Variants in RNGTT observed in about 807,000 individuals in gnomAD.
RNGTT encodes the protein mRNA-capping enzyme.
In RNGTT, 33 loss-of-function variants were observed where a neutral mutation model predicts 79.3. The ratio of observed to expected loss-of-function variants is 0.42; its 90% CI spans 0.32 to 0.56. The LOEUF (loss-of-function observed/expected upper bound fraction) is 0.56, where lower values mean the gene tolerates loss of function less well. Ranked by LOEUF, RNGTT falls within the 20% of genes least tolerant of loss-of-function variation. The pLI, the probability that RNGTT is intolerant of heterozygous loss-of-function variation, is 0.17. For missense variants in RNGTT, 497 were observed against 739.1 expected, an observed-to-expected ratio of 0.67 and a Z score of 3.80; for synonymous variants, 222 against 235.9, an observed-to-expected ratio of 0.94 and a Z score of 0.54.
At chr6:88,713,589 AAGTGC>A (rs1383588673) in intron 13 of RNGTT, among the ~76,000 whole-genome samples, 2 of 152,204 alleles carry the variant, frequency 1.3e-5, no homozygotes, top group African/African-American at 4.8e-5. Context: ...TGTATATATA[AAGTGC>A]AGATATAGAA....
intron 8 of RNGTT, among the ~76,000 whole-genome samples, chr6:88,868,711 T>C (rs1476118499): frequency 3.3e-5 from 5 of 152,232 alleles, no homozygotes; most frequent in African/African-American, 1.2e-4. Context: ...CAAACTCTTT[T>C]TCCTTTTAAA....
At chr6:88,890,440 A>G (rs1294599082) in intron 8 of RNGTT, 55 bp downstream of exon 8, 1 of 1,089,388 alleles carries the variant, frequency 9.2e-7, no homozygotes, top group Non-Finnish European at 1.4e-6. Flanking sequence ...ACAATAAAAC[A>G]ATATTCTTCA....
intron 1 of RNGTT, among the ~76,000 whole-genome samples, chr6:88,951,065 G>T (rs1366447162): frequency 1.3e-5 from 2 of 151,996 alleles, no homozygotes; most frequent in East Asian, 1.9e-4. Context: ...CACCATGTTG[G>T]CTAGGCTGGT....
intron 1 of RNGTT, among the ~76,000 whole-genome samples, chr6:88,956,521 A>T (rs1785436342): frequency 2.0e-5 from 3 of 152,218 alleles, no homozygotes; most frequent in Admixed American, 2.0e-4. Flanking sequence ...GAGAAAGGGA[A>T]TCCTCCCTAA....
chr6:88,648,449 T>C (rs893453151), intron 14 of RNGTT, among the ~76,000 whole-genome samples: 2 of 151,228 alleles, frequency 1.3e-5, no homozygotes, highest in African/African-American at 2.4e-5. Context: ...ATTGTGCACA[T>C]GTACCCTAAA....
At chr6:88,739,072 T>C (rs1037235003) in intron 13 of RNGTT, among the ~76,000 whole-genome samples, 10 of 152,064 alleles carry the variant, frequency 6.6e-5, no homozygotes, top group Non-Finnish European at 1.5e-4. Flanking sequence ...AAAAAAACTT[T>C]CTCAAATTTT....
intron 11 of RNGTT, among the ~76,000 whole-genome samples, chr6:88,816,565 A>T (rs970920259): frequency 2.6e-5 from 4 of 152,220 alleles, no homozygotes; most frequent in African/African-American, 7.2e-5. Flanking sequence ...TAGGTATCAG[A>T]GGTAAGACTA....
In RNGTT at chr6:88,933,882, A is replaced by G. The variant is rs1048965037; in HGVS notation, c.175-4615T>C. On this transcript the variant is annotated intron_variant, in intron 2 of 15. Coordinates refer to ENST00000369485, the MANE Select transcript of RNGTT (RefSeq NM_003800.5). The stretch of plus-strand genomic sequence containing the variant: ...CAGTAGTGAAACTGCTAGATCGTAT[A>G]GCAGTTCTACTTTTAGTTTTCTGAG... Among the ~76,000 whole-genome samples the G allele has an allele frequency of 3.3e-5, 5 of 152,350 alleles. No homozygotes were observed. In the East Asian group the frequency reaches 9.6e-4, roughly 29 times the overall value.
chr6:88,675,487 T>C (rs1003294729), intron 14 of RNGTT, among the ~76,000 whole-genome samples: 4 of 151,666 alleles, frequency 2.6e-5, no homozygotes, highest in African/African-American at 7.3e-5. Flanking sequence ...AGGCCAGGAG[T>C]TCAAGACCAA....
chr6:88,830,340 G>A (rs1296630732), intron 11 of RNGTT, among the ~76,000 whole-genome samples: 2 of 151,974 alleles, frequency 1.3e-5, no homozygotes, highest in Non-Finnish European at 2.9e-5. Flanking sequence ...ATGAAATAAT[G>A]AAATTAAGGC....
At chr6:88,806,431 C>A (rs1779957193) in intron 11 of RNGTT, among the ~76,000 whole-genome samples, 1 of 151,494 alleles carries the variant, frequency 6.6e-6, no homozygotes, top group South Asian at 2.1e-4. Flanking sequence ...GATTCTCCTG[C>A]CTCGGCCTCC....
intron 4 of RNGTT, among the ~76,000 whole-genome samples, chr6:88,912,392 G>C (rs765275765): frequency 9.9e-5 from 15 of 152,160 alleles, no homozygotes; most frequent in Non-Finnish European, 1.9e-4. Flanking sequence ...CTGGCTGACA[G>C]AGTGAGACCC....
In RNGTT at chr6:88,738,839, T is replaced by TATAC. The variant is rs1554211729; in HGVS notation, c.1439+30934_1439+30935insGTAT. Among the ~76,000 whole-genome samples the TATAC allele has an allele frequency of 9.6e-3, 1,371 of 142,594 alleles. 29 individuals carry two copies. The highest frequency in any genetic ancestry group is 0.033 in the African/African-American group (1,301 of 39,104). The allele number at this position is 142,594 out of a possible 152,430, so 93.5% of individuals were successfully genotyped here. On this transcript the variant is annotated intron_variant, in intron 13 of 15. Transcript: ENST00000369485. ...TGGAAACTAAAGTCTATAAATAAAATACACACACACACACACACACACACA... is the reference window on the plus strand; with the variant it reads ...TGGAAACTAAAGTCTATAAATAAAATATACACACACACACACACACACACACACA...
intron 13 of RNGTT, among the ~76,000 whole-genome samples, chr6:88,683,567 G>C (rs1452805050): frequency 6.6e-6 from 1 of 152,050 alleles, no homozygotes; most frequent in Admixed American, 6.6e-5. Context: ...ATTTTATAAA[G>C]TTAGCATAAC....
At chr6:88,962,831 TG>T (rs1164239969) in intron 1 of RNGTT, among the ~76,000 whole-genome samples, 2 of 152,090 alleles carry the variant, frequency 1.3e-5, no homozygotes, top group Non-Finnish European at 2.9e-5. Flanking sequence ...CTTGGGAGGC[TG>T]AGGTGGGAGG....
intron 11 of RNGTT, among the ~76,000 whole-genome samples, chr6:88,841,241 T>C (rs1040859545): frequency 7.2e-5 from 11 of 152,242 alleles, no homozygotes; most frequent in African/African-American, 2.4e-4. Context: ...CGAAAGATCA[T>C]AGCGGCAGAG....
At chr6:88,775,611 G>T (rs1778850687) in intron 12 of RNGTT, among the ~76,000 whole-genome samples, 1 of 152,168 alleles carries the variant, frequency 6.6e-6, no homozygotes, top group South Asian at 2.1e-4. Flanking sequence ...TTATAATAAG[G>T]AGGTACAGAA....
At chr6:88,652,301 A>T (rs16880995) in intron 14 of RNGTT, among the ~76,000 whole-genome samples, 3,763 of 152,284 alleles carry the variant, frequency 0.025, 138 homozygotes, top group African/African-American at 0.085. Context: ...ACTTCATTGC[A>T]TTTAGCATAG....
intron 14 of RNGTT, among the ~76,000 whole-genome samples, chr6:88,627,341 T>C (rs942098477): frequency 6.6e-6 from 1 of 152,176 alleles, no homozygotes; most frequent in Non-Finnish European, 1.5e-5. Flanking sequence ...AAGATGTCAA[T>C]GTATAGTTCA....
Sources: gnomAD v4.1 joint callset for allele counts (sites outside exome capture counted in the v4.1 genomes callset) on GRCh38, gnomAD v4.1.1 for gene constraint, MANE v1.5 for transcripts, NCBI Gene and HGNC (gene_info 2026-07-23, HGNC 2026-07-21) for gene names.